EYS: variants seen among roughly 807,000 people sequenced by gnomAD.
EYS encodes protein eyes shut homolog.
In EYS, 250 loss-of-function variants were observed where a neutral mutation model predicts 282.1. That is an observed-to-expected ratio of 0.89 (90% CI 0.80 to 0.98). EYS has a LOEUF of 0.98. Ranked by LOEUF, EYS falls within the 50% of genes least tolerant of loss-of-function variation. The pLI is 0.00. For missense variants in EYS, 4,016 were observed against 3,709.0 expected (o/e 1.08, Z -2.15); for synonymous variants, 1,355 against 1,282.9 (o/e 1.06, Z -1.20).
At chr6:64,622,722 T>G (rs926015195) in intron 23 of EYS, among the ~76,000 whole-genome samples, 3 of 152,156 alleles carry the variant, frequency 2.0e-5, no homozygotes, top group African/African-American at 7.2e-5. Flanking sequence ...AAAATGGCAA[T>G]GATTTATAGT....
At chr6:64,684,453 AAATT>A (rs1307671682) in intron 22 of EYS, among the ~76,000 whole-genome samples, 3 of 152,130 alleles carry the variant, frequency 2.0e-5, no homozygotes, top group Non-Finnish European at 2.9e-5. Flanking sequence ...AACTGAAGAG[AAATT>A]ATACTGAAAA....
intron 38 of EYS, 105 bp downstream of exon 38, chr6:63,788,953 C>G: frequency 8.7e-7 from 1 of 1,148,580 alleles, no homozygotes; most frequent in Non-Finnish European, 1.2e-6. Context: ...CTGTGAACTT[C>G]GTGGATGTAG....
intron 22 of EYS, among the ~76,000 whole-genome samples, chr6:64,634,600 G>A (rs1767908661): frequency 6.6e-6 from 1 of 150,858 alleles, no homozygotes; most frequent in Non-Finnish European, 1.5e-5. Context: ...ATTGAAGTGT[G>A]GTATAGTCAA....
intron 19 of EYS, among the ~76,000 whole-genome samples, chr6:64,877,509 A>G (rs1376558334): frequency 6.6e-6 from 1 of 152,224 alleles, no homozygotes; most frequent in East Asian, 1.9e-4. Context: ...CACTAATAGT[A>G]AGAGAAAACA....
At chr6:64,320,862 A>G (rs1770192200) in intron 29 of EYS, among the ~76,000 whole-genome samples, 1 of 151,828 alleles carries the variant, frequency 6.6e-6, no homozygotes, top group South Asian at 2.1e-4. Flanking sequence ...ATTCATGGCC[A>G]GAAAACCTAT....
rs141935758 is a variant in EYS, at chr6:63,910,735, A to G, written c.7056-46377T>C. On this transcript the variant is annotated intron_variant, in intron 35 of 42. Coordinates refer to ENST00000503581, the MANE Select transcript of EYS (RefSeq NM_001142800.2). Reference sequence around the variant, plus strand: ...TTACTTTTAAATTTTGCCAGGGCATAATAAATCTATTTCAAGTGTACCTTT... The same window carrying G: ...TTACTTTTAAATTTTGCCAGGGCATGATAAATCTATTTCAAGTGTACCTTT... 6.9e-3 allele frequency among the ~76,000 whole-genome samples: 1,050 copies of G among 152,356 alleles called. 14 individuals are homozygous for G. The highest frequency in any genetic ancestry group is 0.022 in the African/African-American group (935 of 41,592).
intron 12 of EYS, among the ~76,000 whole-genome samples, chr6:65,119,562 T>C (rs958851730): frequency 3.3e-5 from 5 of 151,458 alleles, no homozygotes; most frequent in African/African-American, 9.8e-5. Flanking sequence ...ACTTTTAGGG[T>C]CCTCCACTGG....
At chr6:65,278,339 A>ATCTATATATTCTATATATAGAT (rs1768117850) in intron 12 of EYS, among the ~76,000 whole-genome samples, 2 of 46,646 alleles carry the variant, frequency 4.3e-5, no homozygotes, top group African/African-American at 8.7e-5. Flanking sequence ...TATATATAGA[A>ATCTATATATTCTATATATAGAT]TCTATATATT....
chr6:64,889,941 T>C (rs1351902984), intron 18 of EYS, among the ~76,000 whole-genome samples: 2 of 151,982 alleles, frequency 1.3e-5, no homozygotes, highest in African/African-American at 2.4e-5. Flanking sequence ...GCCATATTTC[T>C]CTTCTTTCAA....
chr6:63,826,205 A>G (rs1771456335), intron 36 of EYS, among the ~76,000 whole-genome samples: 1 of 152,178 alleles, frequency 6.6e-6, no homozygotes, highest in Non-Finnish European at 1.5e-5. Context: ...AAAAAATAAG[A>G]AAATATGAAC....
chr6:64,340,921 T>G (rs1771078528), intron 29 of EYS, among the ~76,000 whole-genome samples: 1 of 151,840 alleles, frequency 6.6e-6, no homozygotes, highest in Admixed American at 6.6e-5. Context: ...AAACAGACAC[T>G]TCTCAAAAGA....
intron 12 of EYS, among the ~76,000 whole-genome samples, chr6:65,286,366 T>C (rs1299607860): frequency 6.6e-6 from 1 of 151,724 alleles, no homozygotes; most frequent in Non-Finnish European, 1.5e-5. Context: ...CTCAGTTTCA[T>C]CCCATTCATC....
chr6:65,310,565 C>T (rs1480693095), intron 11 of EYS, among the ~76,000 whole-genome samples: 1 of 152,092 alleles, frequency 6.6e-6, no homozygotes, highest in Non-Finnish European at 1.5e-5. Flanking sequence ...TTCAGTATGC[C>T]CTTCAAGGCT....
At chr6:64,626,436 T>A (rs1007744513) in intron 22 of EYS, among the ~76,000 whole-genome samples, 191 bp from the exon 23 acceptor site, 5 of 152,092 alleles carry the variant, frequency 3.3e-5, no homozygotes, top group Non-Finnish European at 4.4e-5. Flanking sequence ...ACACTAAATA[T>A]CTGTGAATGT....
intron 35 of EYS, among the ~76,000 whole-genome samples, chr6:63,878,709 C>T (rs1268231738): frequency 3.3e-5 from 5 of 152,170 alleles, no homozygotes; most frequent in East Asian, 1.9e-4. Flanking sequence ...GCTGTCACCT[C>T]GTAGTTCAAT....
At chr6:64,356,855 C>G (rs1020092137) in intron 29 of EYS, among the ~76,000 whole-genome samples, 6 of 151,602 alleles carry the variant, frequency 4.0e-5, no homozygotes, top group Non-Finnish European at 5.9e-5. Context: ...ACTACGGGTG[C>G]TATTGCCCTC....
At chr6:64,635,658 A>G (rs975246280) in intron 22 of EYS, among the ~76,000 whole-genome samples, 2 of 152,212 alleles carry the variant, frequency 1.3e-5, no homozygotes, top group African/African-American at 4.8e-5. Context: ...CCAGCCTTGC[A>G]TCCCAGGGAT....
At chr6:63,901,998 C>G (rs1029790790) in intron 35 of EYS, among the ~76,000 whole-genome samples, 7 of 151,980 alleles carry the variant, frequency 4.6e-5, no homozygotes, top group South Asian at 2.1e-4. Context: ...GTTCAAGTGA[C>G]CCTTCTGCCC....
chr6:63,757,218 T>TG (rs1261473104), intron 41 of EYS, among the ~76,000 whole-genome samples: 1 of 152,084 alleles, frequency 6.6e-6, no homozygotes, highest in South Asian at 2.1e-4. Context: ...CACGCATTCT[T>TG]GGGGGGAGGT....
Sources: gnomAD v4.1 joint callset for allele counts (sites outside exome capture counted in the v4.1 genomes callset) on GRCh38, gnomAD v4.1.1 for gene constraint, MANE v1.5 for transcripts, NCBI Gene and HGNC (gene_info 2026-07-23, HGNC 2026-07-21) for gene names.